The following POLR1F variants were observed in gnomAD, a reference collection of about 807,000 sequenced individuals.
POLR1F encodes DNA-directed RNA polymerase I subunit RPA43.
Under a neutral mutation model 21.8 loss-of-function variants are expected in POLR1F, and 23 were observed. That is an observed-to-expected ratio of 1.05 (90% CI 0.76 to 1.49). The LOEUF (loss-of-function observed/expected upper bound fraction) is 1.49, where lower values mean the gene tolerates loss of function less well. Ranked by LOEUF, POLR1F falls within the 40% of genes most tolerant of loss-of-function variation. The pLI is 0.00. For missense variants in POLR1F, 435 were observed against 412.1 expected, an observed-to-expected ratio of 1.06 and a Z score of -0.48; for synonymous variants, 162 against 152.8, an observed-to-expected ratio of 1.06 and a Z score of -0.45.
In POLR1F at chr7:19,698,109, A is replaced by G; in HGVS notation, c.*207T>C. 2.4e-6 allele frequency: 1 copy of G among 419,092 alleles called. No homozygotes were observed. The highest frequency in any genetic ancestry group is 4.1e-6 in the Non-Finnish European group (1 of 243,662). The allele number at this position is 419,092 out of a possible 1,614,324, so 26.0% of individuals were successfully genotyped here. A position where few individuals can be genotyped will look rare whatever the true frequency, so the allele number is the denominator to read the frequency against. On this transcript the variant is annotated 3_prime_UTR_variant, in exon 4 of 4. Coordinates refer to ENST00000222567, the MANE Select transcript of POLR1F (RefSeq NM_001002926.2). ...TGAGAGCAGCTTTTTATTTTGTATA[A>G]AATGGTATTTTAACAATACTGGCTT...
Position 19,698,620 on chromosome 7 carries a change from T to A in POLR1F, c.713A>T (p.Tyr238Phe). The change falls in exon 4 of 4, where the codon TAT becomes TTT. Residue 238 changes from tyrosine to phenylalanine, a missense_variant. Physicochemically the swap from Tyr to Phe is conservative, Grantham distance 22 (BLOSUM62 3). Coordinates refer to ENST00000222567, the MANE Select transcript of POLR1F (RefSeq NM_001002926.2). ...CTTTGTGGTACCACTGTCCACTTCATATGTCTCTGGGTCTTTCTTCTTTTT... is the reference window on the plus strand; with the variant it reads ...CTTTGTGGTACCACTGTCCACTTCAAATGTCTCTGGGTCTTTCTTCTTTTT... Reference protein sequence around the residue: ...KKKKKKDPETYEVDSGTTKLA... With the variant: ...KKKKKKDPETFEVDSGTTKLA... 1 of 1,612,018 alleles carries A rather than the reference T, an allele frequency of 6.2e-7. No homozygotes were observed. The highest frequency in any genetic ancestry group is 8.5e-7 in the Non-Finnish European group (1 of 1,179,524).
At chr7:19,705,793 A>C (rs909274995) in intron 1 of POLR1F, among the ~76,000 whole-genome samples, 1 of 152,192 alleles carries the variant, frequency 6.6e-6, no homozygotes, top group Non-Finnish European at 1.5e-5. Context: ...GGGTGTGGTG[A>C]GCTGAGATCT....
rs1292704690 is a variant in POLR1F at position 19,697,358 on chromosome 7, A to G, written c.*958T>C. ...ATGTGTTATACAAAGTAGATGGTCA[A>G]GTGTGTGGAAAATGAATAAATATGG... On this transcript the variant is annotated 3_prime_UTR_variant, in exon 4 of 4. Transcript: ENST00000222567. The G allele has an allele frequency of 1.3e-5, 2 of 152,182 alleles. No individual in the cohort carries two copies. Among genetic ancestry groups the G allele is most frequent in the African/African-American group, 2.4e-5 (1 of 41,466 alleles). The allele number at this position is 152,182 out of a possible 1,614,324, so 9.4% of individuals were successfully genotyped here.
rs539967782 is a variant in POLR1F, at chr7:19,696,110, T to C, written c.*2206A>G. 7 of 152,146 alleles carry C rather than the reference T, an allele frequency of 4.6e-5. No homozygotes were observed. The highest frequency in any genetic ancestry group is 1.9e-4 in the East Asian group (1 of 5,184). 9.4% of individuals were successfully genotyped at this position (152,146 alleles called of 1,614,324 possible). On this transcript the variant is annotated 3_prime_UTR_variant, in exon 4 of 4. Coordinates refer to ENST00000222567, the MANE Select transcript of POLR1F (RefSeq NM_001002926.2). ...GGGTTTGTATGAGCAAATTCCAAGA[T>C]AGAAAAGATAGACTAGGTTAGTGCA...
intron 3 of POLR1F, 109 bp downstream of exon 3, chr7:19,699,963 T>C: frequency 1.2e-6 from 1 of 847,972 alleles, no homozygotes. Flanking sequence ...TATAAACAGG[T>C]ATTTTTAGAG....
At position 19,707,651 on chromosome 7, in the gene POLR1F, G is replaced by T. The variant is rs1783548341; in HGVS notation, c.254+1112C>A. Among the ~76,000 whole-genome samples the T allele has an allele frequency of 2.6e-5, 4 of 152,102 alleles. No individual in the cohort carries two copies. In the South Asian group the frequency reaches 8.3e-4, roughly 31 times the overall value. Reference sequence around the variant, plus strand: ...ATCAAGTTGTTCTCAAAGGTCCCAAGATCCAAATTCTACACTCCTTATCTT... The same window carrying T: ...ATCAAGTTGTTCTCAAAGGTCCCAATATCCAAATTCTACACTCCTTATCTT... On this transcript the variant is annotated intron_variant, in intron 1 of 3. Coordinates refer to ENST00000222567, the MANE Select transcript of POLR1F (RefSeq NM_001002926.2).
rs148388343 is a variant in POLR1F, at chr7:19,701,741, C to T, written c.397-1461G>A. 2.6e-3 allele frequency among the ~76,000 whole-genome samples: 403 copies of T among 152,196 alleles called. 4 individuals are homozygous for T. Among genetic ancestry groups the T allele is most frequent in the African/African-American group, 9.2e-3 (383 of 41,508 alleles). ...CCTCTGGGGGGGCAGGGATATTGCCCCCAGTGATATTTACTTTAAACCTCG... is the reference window on the plus strand; with the variant it reads ...CCTCTGGGGGGGCAGGGATATTGCCTCCAGTGATATTTACTTTAAACCTCG... On this transcript the variant is annotated intron_variant, in intron 2 of 3. Transcript: ENST00000222567.
chr7:19,706,425 T>C (rs1303981304), intron 1 of POLR1F, among the ~76,000 whole-genome samples: 1 of 152,128 alleles, frequency 6.6e-6, no homozygotes, highest in Non-Finnish European at 1.5e-5. Context: ...AGAGTGATTC[T>C]CAAGGGGAAG....
At chr7:19,703,012 A>C (rs991575946) in intron 2 of POLR1F, among the ~76,000 whole-genome samples, 1 of 152,210 alleles carries the variant, frequency 6.6e-6, no homozygotes, top group African/African-American at 2.4e-5. Flanking sequence ...GTTTTCATTC[A>C]TATGTCTGAA....
At position 19,696,962 on chromosome 7, in the gene POLR1F, C is replaced by T. The variant is rs1783373951; in HGVS notation, c.*1354G>A. The T allele has an allele frequency of 1.3e-5, 2 of 152,084 alleles. No homozygotes were observed. The highest frequency in any genetic ancestry group is 1.9e-4 in the East Asian group (1 of 5,198). 9.4% of individuals were successfully genotyped at this position (152,084 alleles called of 1,614,324 possible). A position where few individuals can be genotyped will look rare whatever the true frequency, so the allele number is the denominator to read the frequency against. On this transcript the variant is annotated 3_prime_UTR_variant, in exon 4 of 4. Transcript: ENST00000222567. ...ATCCTTCCATTGTCTAGCACATCTA[C>T]TTGTAGACAATTGTGAACATCTGCC...
At chr7:19,703,182 A>G (rs923915350) in intron 2 of POLR1F, among the ~76,000 whole-genome samples, 5 of 152,244 alleles carry the variant, frequency 3.3e-5, no homozygotes, top group Non-Finnish European at 7.3e-5. Context: ...GATGAAACTC[A>G]AAAACATGCT....
chr7:19,698,513 C>T lies in POLR1F; in HGVS notation c.820G>A (p.Glu274Lys). ...TTCTTCTTCTTCTTTTTCTTTGGCT[C>T]CTCCTCCCAGATGCCATTCGCATTA... is the stretch of plus-strand genomic sequence containing the variant. The part of the protein sequence containing the change: ...TNNANGIWEE[E>K]PKKKKKKKKH... Residue 274 changes from glutamate to lysine, a missense_variant, in exon 4 of 4, where the codon GAG becomes AAG. Coordinates refer to ENST00000222567, the MANE Select transcript of POLR1F (RefSeq NM_001002926.2). The T allele has an allele frequency of 4.4e-6, 7 of 1,605,590 alleles. No individual in the cohort carries two copies. The highest frequency in any genetic ancestry group is 5.9e-6 in the Non-Finnish European group (7 of 1,178,012).
Position 19,708,798 on chromosome 7 carries a change from T to C in POLR1F, c.219A>G (p.Glu73=). The C allele has an allele frequency of 4.3e-6, 7 of 1,614,034 alleles. No individual in the cohort carries two copies. The highest frequency in any genetic ancestry group is 5.9e-6 in the Non-Finnish European group (7 of 1,179,862). Residue 73 remains glutamate, a synonymous_variant, in exon 1 of 4, where the codon GAA becomes GAG. Coordinates refer to ENST00000222567, the MANE Select transcript of POLR1F (RefSeq NM_001002926.2). ...AGCGAAGGAGCTCCGCATCAAGCTG[T>C]TCTCGAATGCCGGTGCGTTTCCTGT... is the stretch of plus-strand genomic sequence containing the variant. ...YLNRKRTGIR[E]QLDAELLRYS...
chr7:19,704,620 G>T (rs1332641568), intron 2 of POLR1F, among the ~76,000 whole-genome samples, 159 bp downstream of exon 2: 1 of 151,910 alleles, frequency 6.6e-6, no homozygotes, highest in Admixed American at 6.6e-5. Flanking sequence ...ACTTACCTAC[G>T]TTTGAATGAT....
rs1020670983 is a variant in POLR1F at position 19,708,049 on chromosome 7, C to G, written c.254+714G>C. 2.0e-5 allele frequency among the ~76,000 whole-genome samples: 3 copies of G among 152,028 alleles called. No individual in the cohort carries two copies. The South Asian group carries it at 6.2e-4, about 32-fold the overall frequency. On this transcript the variant is annotated intron_variant, in intron 1 of 3. Coordinates refer to ENST00000222567, the MANE Select transcript of POLR1F (RefSeq NM_001002926.2). Reference sequence around the variant, plus strand: ...ATACTCAAGCACATGCCCGCGCCCCCCGCCCCACACCTCTGTAATTCTAAG... The same window carrying G: ...ATACTCAAGCACATGCCCGCGCCCCGCGCCCCACACCTCTGTAATTCTAAG...
intron 2 of POLR1F, among the ~76,000 whole-genome samples, chr7:19,700,672 C>A (rs1783436825): frequency 6.6e-6 from 1 of 152,172 alleles, no homozygotes; most frequent in African/African-American, 2.4e-5. Flanking sequence ...ACCAAGCAAA[C>A]CCCATATAAC....
Position 19,697,198 on chromosome 7 carries a change from T to C in POLR1F, c.*1118A>G, listed in dbSNP as rs1783379359. Reference sequence around the variant, plus strand: ...GTGAGTGAACAATCCTCCCCCTTTTTTTCATACCACTTAATACAATTATTA... The same window carrying C: ...GTGAGTGAACAATCCTCCCCCTTTTCTTCATACCACTTAATACAATTATTA... On this transcript the variant is annotated 3_prime_UTR_variant, in exon 4 of 4. Coordinates refer to ENST00000222567, the MANE Select transcript of POLR1F (RefSeq NM_001002926.2). The C allele has an allele frequency of 1.3e-5, 2 of 152,146 alleles. No individual in the cohort carries two copies. The highest frequency in any genetic ancestry group is 4.1e-4 in the South Asian group (2 of 4,834). The allele number at this position is 152,146 out of a possible 1,614,324, so 9.4% of individuals were successfully genotyped here.
rs1783408128 is a variant in POLR1F at position 19,698,668 on chromosome 7, G to T, written c.665C>A (p.Ala222Asp). Residue 222 changes from alanine to aspartate, a missense_variant, in exon 4 of 4, where the codon GCT becomes GAT. By Grantham distance (126) the Ala-to-Asp change is moderately radical (BLOSUM62 -2). Transcript: ENST00000222567. The stretch of plus-strand genomic sequence containing the variant: ...TTTCTTCTTTTTAGGTTTTTTAGCA[G>T]CTTCCTCAGTGCCATTTTCTGTAAC... ...EEVTENGTEEAAKKPKKKKKK... is the reference protein window; with the variant it reads ...EEVTENGTEEDAKKPKKKKKK... 6.3e-7 allele frequency: 1 copy of T among 1,586,430 alleles called. No homozygotes were observed. The highest frequency in any genetic ancestry group is 8.5e-7 in the Non-Finnish European group (1 of 1,172,840).
At position 19,704,878 on chromosome 7, in the gene POLR1F, C is replaced by T. The variant is rs1225667395; in HGVS notation, c.297G>A (p.Val99=). ...CATCATAAATATCTCCAAGCTCTCCCACAACTTTGATGTTATCATATGCAA... is the reference window on the plus strand; with the variant it reads ...CATCATAAATATCTCCAAGCTCTCCTACAACTTTGATGTTATCATATGCAA... ...VPIAYDNIKV[V]GELGDIYDDQ... Residue 99 remains valine, a synonymous_variant, in exon 2 of 4, where the codon GTG becomes GTA. Transcript: ENST00000222567. The T allele has an allele frequency of 2.5e-6, 4 of 1,605,868 alleles. No homozygotes were observed. The highest frequency in any genetic ancestry group is 3.3e-4 in the Middle Eastern group (2 of 6,032).
Sources: allele counts gnomAD v4.1 joint callset (sites outside exome capture counted in the v4.1 genomes callset), GRCh38; gene constraint gnomAD v4.1.1; transcripts MANE v1.5; gene names NCBI Gene and HGNC (gene_info 2026-07-23, HGNC 2026-07-21).